The following CDKAL1 variants were observed in gnomAD, a reference collection of about 807,000 sequenced individuals.
CDKAL1 encodes the protein CDKAL1 threonylcarbamoyladenosine tRNA methylthiotransferase, also known as threonylcarbamoyladenosine tRNA methylthiotransferase.
CDKAL1 carries 32 observed loss-of-function variants against 68.2 expected under a neutral mutation model. That is an observed-to-expected ratio of 0.47 (90% CI 0.35 to 0.63). The LOEUF is 0.63. CDKAL1 is among the 30% of genes least tolerant of loss of function. CDKAL1 has a pLI of 0.00. For missense variants in CDKAL1, 606 were observed against 696.7 expected (o/e 0.87, Z 1.47); for synonymous variants, 234 against 244.3 (o/e 0.96, Z 0.39).
chr6:20,596,991 G>A (rs746357161), intron 4 of CDKAL1, among the ~76,000 whole-genome samples: 1 of 152,184 alleles, frequency 6.6e-6, no homozygotes. Context: ...AACCAGGCCC[G>A]TTGAGATGAG....
At chr6:20,973,674 G>A (rs1030752775) in intron 10 of CDKAL1, among the ~76,000 whole-genome samples, 7 of 151,592 alleles carry the variant, frequency 4.6e-5, no homozygotes, top group East Asian at 1.9e-4. Context: ...GTGTGATCTC[G>A]GCCCACTGCA....
At chr6:21,063,616 A>G (rs984195574) in intron 11 of CDKAL1, among the ~76,000 whole-genome samples, 2 of 152,220 alleles carry the variant, frequency 1.3e-5, no homozygotes, top group African/African-American at 4.8e-5. Context: ...CCTTTAATTG[A>G]CATCCTCAGA....
chr6:20,987,621 A>G lies in CDKAL1; in HGVS notation c.910-12606A>G, dbSNP rs564503544. ...GGTAAAACCTTTTGTTGCTCTTGCA[A>G]CAGTTAACTTCTTCTTCCCGTGTTT... On this transcript the variant is annotated intron_variant, in intron 10 of 15. Transcript: ENST00000274695. Among the ~76,000 whole-genome samples the G allele has an allele frequency of 3.3e-5, 5 of 152,218 alleles. No homozygotes were observed. In the South Asian group the frequency reaches 1.0e-3, roughly 32 times the overall value.
At chr6:20,772,519 G>A (rs1581549771) in intron 7 of CDKAL1, among the ~76,000 whole-genome samples, 2 of 152,164 alleles carry the variant, frequency 1.3e-5, no homozygotes, top group Admixed American at 6.5e-5. Context: ...ACTGTAATTT[G>A]CCCCAGAAGG....
intron 4 of CDKAL1, among the ~76,000 whole-genome samples, chr6:20,601,488 A>G (rs1267086160): frequency 6.6e-6 from 1 of 152,140 alleles, no homozygotes; most frequent in East Asian, 1.9e-4. Context: ...AATTTAATGG[A>G]TATAAGGAAG....
In CDKAL1 at chr6:20,805,182, C is replaced by T. The variant is rs1264589686; in HGVS notation, c.638+23917C>T. On this transcript the variant is annotated intron_variant, in intron 8 of 15. Transcript: ENST00000274695. ...AGAGGTAAAGCACAGGAAGCCTGTG[C>T]ACAGATTCCTCCAGATTTTACCTGA... 2.0e-5 allele frequency among the ~76,000 whole-genome samples: 3 copies of T among 152,292 alleles called. 1 individual carries two copies. Among genetic ancestry groups the T allele is most frequent in the African/African-American group, 4.8e-5 (2 of 41,570 alleles).
intron 12 of CDKAL1, among the ~76,000 whole-genome samples, chr6:21,085,486 C>G (rs1210424560): frequency 6.6e-6 from 1 of 152,072 alleles, no homozygotes; most frequent in Non-Finnish European, 1.5e-5. Context: ...AAGAGCTATA[C>G]AAAGGGCTGT....
At chr6:20,681,927 C>T (rs992143087) in intron 5 of CDKAL1, among the ~76,000 whole-genome samples, 25 of 152,152 alleles carry the variant, frequency 1.6e-4, no homozygotes, top group African/African-American at 3.9e-4. Flanking sequence ...AAGAATAAGA[C>T]GCCAGCAGAT....
chr6:20,621,560 A>G (rs969610551), intron 4 of CDKAL1, among the ~76,000 whole-genome samples: 3 of 152,140 alleles, frequency 2.0e-5, no homozygotes, highest in Admixed American at 6.6e-5. Context: ...GAATTCTTCT[A>G]CACAGGAGAT....
intron 9 of CDKAL1, among the ~76,000 whole-genome samples, chr6:20,877,639 G>A (rs1760592145): frequency 6.6e-6 from 1 of 152,140 alleles, no homozygotes; most frequent in Admixed American, 6.5e-5. Flanking sequence ...TTTGTGACCC[G>A]AAATTAGTTC....
intron 5 of CDKAL1, among the ~76,000 whole-genome samples, chr6:20,661,605 AC>A (rs35014292): frequency 0.18 from 28,080 of 151,828 alleles, 2,812 homozygotes; most frequent in African/African-American, 0.23. Flanking sequence ...ATAAAAAAAA[AC>A]CAAATGAAAC....
At chr6:20,595,500 A>G (rs1254926515) in intron 4 of CDKAL1, among the ~76,000 whole-genome samples, 1 of 151,838 alleles carries the variant, frequency 6.6e-6, no homozygotes, top group Non-Finnish European at 1.5e-5. Flanking sequence ...TGAAATTCTC[A>G]TGCTGTGTTT....
chr6:20,566,749 A>G (rs748453092), intron 4 of CDKAL1, among the ~76,000 whole-genome samples: 2 of 152,196 alleles, frequency 1.3e-5, no homozygotes, highest in Admixed American at 6.5e-5. Flanking sequence ...CTTGAGGGTT[A>G]TGCATCTAAA....
rs150976763 is a variant in CDKAL1 at position 20,715,105 on chromosome 6, T to A, written c.372-24414T>A. Among the ~76,000 whole-genome samples, 53 of 152,352 alleles carry A rather than the reference T, an allele frequency of 3.5e-4. 1 individual carries two copies. In the East Asian group the frequency reaches 8.7e-3, roughly 25 times the overall value. ...CATTTAGCAAAAATTCTGAATATAATACAACATTATTAACTATAGTCCTTA... is the reference window on the plus strand; with the variant it reads ...CATTTAGCAAAAATTCTGAATATAAAACAACATTATTAACTATAGTCCTTA... On this transcript the variant is annotated intron_variant, in intron 5 of 15. Coordinates refer to ENST00000274695, the MANE Select transcript of CDKAL1 (RefSeq NM_017774.3).
At chr6:20,885,136 C>T (rs1339878203) in intron 9 of CDKAL1, among the ~76,000 whole-genome samples, 3 of 152,322 alleles carry the variant, frequency 2.0e-5, no homozygotes, top group Non-Finnish European at 4.4e-5. Context: ...AAAATTCCAA[C>T]AGCACTCCCC....
chr6:20,700,533 C>T (rs1403481305), intron 5 of CDKAL1, among the ~76,000 whole-genome samples: 2 of 151,918 alleles, frequency 1.3e-5, no homozygotes, highest in African/African-American at 4.8e-5. Context: ...TAATTACAGG[C>T]CTGGGCAGAA....
intron 4 of CDKAL1, among the ~76,000 whole-genome samples, chr6:20,596,683 G>A (rs867299997): frequency 6.6e-6 from 1 of 152,110 alleles, no homozygotes; most frequent in African/African-American, 2.4e-5. Context: ...GTTCTTTCTC[G>A]CTTGCATTCT....
chr6:20,552,968 T>G (rs1763891727), intron 4 of CDKAL1, among the ~76,000 whole-genome samples: 2 of 152,198 alleles, frequency 1.3e-5, no homozygotes. Context: ...GGCTTACTAG[T>G]TGATAATGTT....
chr6:21,023,363 T>G (rs978955231), intron 11 of CDKAL1, among the ~76,000 whole-genome samples: 1 of 152,122 alleles, frequency 6.6e-6, no homozygotes, highest in Non-Finnish European at 1.5e-5. Context: ...GAGAAGGTGA[T>G]CCAAGGTGAC....
Sources: gnomAD v4.1 joint callset for allele counts (sites outside exome capture counted in the v4.1 genomes callset) on GRCh38, gnomAD v4.1.1 for gene constraint, MANE v1.5 for transcripts, NCBI Gene and HGNC (gene_info 2026-07-23, HGNC 2026-07-21) for gene names.